The following OR4Q3 variants were observed in gnomAD, a reference collection of about 807,000 sequenced individuals.
OR4Q3 encodes the protein olfactory receptor family 4 subfamily Q member 3.
Under a neutral mutation model 18.8 loss-of-function variants are expected in OR4Q3, and 17 were observed. The ratio of observed to expected loss-of-function variants is 0.91; its 90% confidence interval spans 0.62 to 1.36. OR4Q3 has a LOEUF of 1.36. Ranked by LOEUF, OR4Q3 falls within the 40% of genes most tolerant of loss-of-function variation. OR4Q3 has a pLI of 0.00. For synonymous variants in OR4Q3, 158 were observed against 145.8 expected (o/e 1.08, Z -0.60); for missense variants, 378 against 373.4 (o/e 1.01, Z -0.10).
intron 1 of OR4Q3, among the ~76,000 whole-genome samples, chr14:19,744,390 A>G (rs1877383302): frequency 6.6e-6 from 1 of 152,196 alleles, no homozygotes; most frequent in South Asian, 2.1e-4. Context: ...AATATGGTAT[A>G]CTGTTATGCT....
At chr14:19,745,438 T>C in intron 1 of OR4Q3, among the ~76,000 whole-genome samples, 2 of 152,204 alleles carry the variant, frequency 1.3e-5, no homozygotes, top group East Asian at 1.9e-4. Flanking sequence ...ACCTTTGGTA[T>C]ACTATGCCTT....
exon 2 of OR4Q3, chr14:19,747,645 G>C: frequency 1.9e-6 from 3 of 1,614,022 alleles, no homozygotes; most frequent in Non-Finnish European, 1.7e-6. Context: ...ATTGACCTAT[G>C]CCTGAGCTGT....
downstream of OR4Q3, chr14:19,749,492 G>A: frequency 6.6e-6 from 1 of 152,082 alleles, no homozygotes; most frequent in East Asian, 1.9e-4. Context: ...CAGCTACTCA[G>A]GAAGGCTGAG....
At chr14:19,751,613 T>C, downstream of OR4Q3, among the ~76,000 whole-genome samples, 1 of 152,076 alleles carries the variant, frequency 6.6e-6, no homozygotes, top group East Asian at 1.9e-4. Context: ...CCTAATTCAA[T>C]CTTAGAAGAT....
At chr14:19,748,032 C>T in exon 2 of OR4Q3, 3 of 1,614,014 alleles carry the variant, frequency 1.9e-6, no homozygotes, top group Non-Finnish European at 2.5e-6. Context: ...CTGGTGATAG[C>T]CAACAGTGGT....
chr14:19,749,855 TTTCTTTCTTTC>T, downstream of OR4Q3, among the ~76,000 whole-genome samples: 1 of 4,084 alleles, frequency 2.4e-4, no homozygotes, highest in African/African-American at 3.9e-4. Flanking sequence ...TACTTCTTTC[TTTCTTTCTTTC>T]TTTCTTTCTT....
chr14:19,751,070 T>C, downstream of OR4Q3, among the ~76,000 whole-genome samples: 2 of 152,256 alleles, frequency 1.3e-5, no homozygotes, highest in Admixed American at 6.5e-5. Context: ...AACATCCCTT[T>C]TTTCTGATGT....
chr14:19,747,811 T>C, exon 2 of OR4Q3: 1 of 1,614,044 alleles, frequency 6.2e-7, no homozygotes, highest in Non-Finnish European at 8.5e-7. Context: ...TTGCCATCTG[T>C]AACCCTTTGC....
Position 19,747,429 on chromosome 14 carries a change from T to G in OR4Q3, c.26T>G (p.Met9Arg). 3.1e-6 allele frequency: 5 copies of G among 1,592,478 alleles called. No individual in the cohort carries two copies. In the African/African-American group the frequency reaches 6.8e-5, roughly 22 times the overall value. The change falls in exon 2 of 2, where the codon ATG (methionine) becomes AGG (arginine). Residue 9 changes from methionine (M) to arginine (R), a missense_variant. By Grantham distance (91) the Met-to-Arg change is moderately conservative. Coordinates refer to ENST00000642117, the Ensembl canonical transcript of OR4Q3. ...AGGTCACTTGATATTCTTGGCTTGA[T>G]GAAAAAAGAACAAGATTCTAATGTG...
At chr14:19,750,620 G>T, downstream of OR4Q3, among the ~76,000 whole-genome samples, 1 of 152,336 alleles carries the variant, frequency 6.6e-6, no homozygotes, top group South Asian at 2.1e-4. Flanking sequence ...CCCTGGTCGT[G>T]TAAGAGCTTT....
chr14:19,747,032 G>A, intron 1 of OR4Q3, among the ~76,000 whole-genome samples: 8 of 152,314 alleles, frequency 5.3e-5, no homozygotes, highest in African/African-American at 1.7e-4. Context: ...TTTCTTGCCT[G>A]AGAGTACTCC....
downstream of OR4Q3, among the ~76,000 whole-genome samples, chr14:19,750,676 T>C: frequency 1.7e-4 from 26 of 152,148 alleles, no homozygotes; most frequent in Admixed American, 1.7e-3. Flanking sequence ...GTGTTGGGAG[T>C]TAATGACTTT....
At chr14:19,746,916 T>TTA in intron 1 of OR4Q3, among the ~76,000 whole-genome samples, 2 of 152,218 alleles carry the variant, frequency 1.3e-5, no homozygotes, top group Non-Finnish European at 2.9e-5. Flanking sequence ...TAGTTTTTTT[T>TTA]ATGGTGCACA....
chr14:19,749,729 TTTTC>T, downstream of OR4Q3, among the ~76,000 whole-genome samples: 3 of 150,844 alleles, frequency 2.0e-5, no homozygotes, highest in African/African-American at 4.9e-5. Context: ...CTTTCTTTCT[TTTTC>T]TTTCTTTCTC....
At chr14:19,748,019 G>A in exon 2 of OR4Q3, 28 of 1,614,042 alleles carry the variant, frequency 1.7e-5, no homozygotes, top group Non-Finnish European at 2.0e-5. Context: ...TGTGGTAGAG[G>A]TGCTGGTGAT....
At chr14:19,747,355 A>G in intron 1 of OR4Q3, 51 bp from the exon 2 acceptor site, 3 of 1,009,170 alleles carry the variant, frequency 3.0e-6, no homozygotes, top group East Asian at 2.4e-5. Context: ...TATAGTGTAC[A>G]CATATATATC....
exon 2 of OR4Q3, chr14:19,747,842 C>G: frequency 6.2e-7 from 1 of 1,608,064 alleles, no homozygotes; most frequent in South Asian, 1.1e-5. Context: ...AGTCATGAAC[C>G]CCCAGCTATG....
chr14:19,748,718 T>C, exon 2 of OR4Q3: 1 of 229,208 alleles, frequency 4.4e-6, no homozygotes, highest in Non-Finnish European at 8.6e-6. Flanking sequence ...TGAAAGAAGA[T>C]ATATCTCTTT....
chr14:19,747,336 C>A, intron 1 of OR4Q3, 70 bp from the exon 2 acceptor site: 3 of 759,194 alleles, frequency 4.0e-6, no homozygotes, highest in South Asian at 2.4e-5. Flanking sequence ...ATATTATATA[C>A]TATATGTATA....
Sources: gnomAD v4.1 joint callset for allele counts (sites outside exome capture counted in the v4.1 genomes callset) on GRCh38, gnomAD v4.1.1 for gene constraint, MANE v1.5 for transcripts, NCBI Gene and HGNC (gene_info 2026-07-23, HGNC 2026-07-21) for gene names.